Variants in RFX2 observed in about 807,000 individuals in gnomAD.
RFX2 encodes regulatory factor X2.
In RFX2, 20 loss-of-function variants were observed where a neutral mutation model predicts 87.8. The observed-to-expected ratio is 0.23, with a 90% CI of 0.16 to 0.33. The LOEUF is 0.33. RFX2 is among the 10% of genes least tolerant of loss of function. The pLI, the probability that RFX2 is intolerant of heterozygous loss-of-function variation, is 1.00. For synonymous variants in RFX2, 397 were observed against 431.3 expected (o/e 0.92, Z 0.98); for missense variants, 767 against 1,012.3 (o/e 0.76, Z 3.29).
chr19:6,013,539 C>G lies in RFX2; in HGVS notation c.780-434G>C, dbSNP rs1335276029. 6.7e-6 allele frequency among the ~76,000 whole-genome samples: 1 copy of G among 150,286 alleles called. No homozygotes were observed. The highest frequency in any genetic ancestry group is 1.5e-5 in the Non-Finnish European group (1 of 67,802). ...ACAGGGTCTCACTCTGTCACCCAGG[C>G]TGGAGTGCAGTTGTGCAATCACAGC... On this transcript the variant is annotated intron_variant, in intron 7 of 17. Transcript: ENST00000303657. The surrounding 1 kb of genome is among the most constrained non-coding windows in gnomAD (Gnocchi z 4.1).
At chr19:6,062,355 C>G (rs2087447627) in intron 1 of RFX2, among the ~76,000 whole-genome samples, 1 of 152,164 alleles carries the variant, frequency 6.6e-6, no homozygotes, top group South Asian at 2.1e-4. Context: ...CACATCACCT[C>G]TGCTCTAGAC....
chr19:6,042,506 T>G (rs574919615), intron 3 of RFX2, among the ~76,000 whole-genome samples: 2 of 151,970 alleles, frequency 1.3e-5, no homozygotes, highest in East Asian at 2.0e-4. Context: ...GTTTTTTTTT[T>G]TTGTTTGTTT....
At chr19:5,996,253 C>CACAA (rs1400324441) in intron 16 of RFX2, among the ~76,000 whole-genome samples, 2 of 152,282 alleles carry the variant, frequency 1.3e-5, no homozygotes, top group African/African-American at 4.8e-5. Context: ...CAGGAGTGCA[C>CACAA]ACAAACACCC....
Position 6,074,774 on chromosome 19 carries a change from G to A in RFX2, c.-8-27270C>T, listed in dbSNP as rs930184151. On this transcript the variant is annotated intron_variant, in intron 1 of 17. Transcript: ENST00000303657. This position sits in a 1 kb window ranked among gnomAD's most constrained non-coding sequence, Gnocchi z 5.2. Reference sequence around the variant, plus strand: ...AGAGTGAGGTGAGGAAAGTGTCGCCGCTGAGAAGGCTCTGCCAGGGATGGT... The same window carrying A: ...AGAGTGAGGTGAGGAAAGTGTCGCCACTGAGAAGGCTCTGCCAGGGATGGT... 2.0e-5 allele frequency among the ~76,000 whole-genome samples: 3 copies of A among 152,212 alleles called. No homozygotes were observed. Among genetic ancestry groups the A allele is most frequent in the South Asian group, 2.1e-4 (1 of 4,832 alleles).
chr19:6,051,876 TTTTA>T (rs1308111104), intron 1 of RFX2, among the ~76,000 whole-genome samples: 2 of 151,988 alleles, frequency 1.3e-5, no homozygotes, highest in African/African-American at 4.8e-5. Context: ...GATCTTTTAT[TTTTA>T]TTTATTTATT....
In RFX2 at chr19:6,061,291, T is replaced by A. The variant is rs2144809232; in HGVS notation, c.-8-13787A>T. Among the ~76,000 whole-genome samples, 1 of 152,348 alleles carries A rather than the reference T, an allele frequency of 6.6e-6. No individual in the cohort carries two copies. Among genetic ancestry groups the A allele is most frequent in the Middle Eastern group, 3.4e-3 (1 of 294 alleles). ...ATTGGGGTGATTCAAAAGATAACAA[T>A]GTCTTCTCATTCCCTGGCTCAAAAA... On this transcript the variant is annotated intron_variant, in intron 1 of 17. Transcript: ENST00000303657. This position sits in a 1 kb window ranked among gnomAD's most constrained non-coding sequence, Gnocchi z 5.2.
intron 1 of RFX2, among the ~76,000 whole-genome samples, chr19:6,062,340 G>C (rs567515025): frequency 4.5e-4 from 69 of 152,240 alleles, no homozygotes; most frequent in African/African-American, 1.7e-3. Flanking sequence ...TGAGGAAGCC[G>C]TGACCACATC....
At chr19:6,073,448 C>G in intron 1 of RFX2, 1 of 969,584 alleles carries the variant, frequency 1.0e-6, no homozygotes, top group Non-Finnish European at 1.6e-6. Flanking sequence ...CTCCAAGAAA[C>G]AAAACCATCG....
At chr19:6,106,084 C>G (rs2088212257) in intron 1 of RFX2, among the ~76,000 whole-genome samples, 1 of 152,198 alleles carries the variant, frequency 6.6e-6, no homozygotes, top group Non-Finnish European at 1.5e-5. Context: ...TTCACCTACC[C>G]TTATCCCTTT....
chr19:6,093,723 GA>G (rs202135175), intron 1 of RFX2, among the ~76,000 whole-genome samples: 7 of 142,292 alleles, frequency 4.9e-5, no homozygotes, highest in East Asian at 2.0e-4. Flanking sequence ...TTTTGAAGAA[GA>G]AAAAAAAAAC....
Position 6,010,914 on chromosome 19 carries a change from C to T in RFX2, c.900-663G>A, listed in dbSNP as rs143193745. Among the ~76,000 whole-genome samples, 1,041 of 152,136 alleles carry T rather than the reference C, an allele frequency of 6.8e-3. 15 individuals are homozygous for T. Among genetic ancestry groups the T allele is most frequent in the African/African-American group, 0.024 (988 of 41,508 alleles). ...GGTGGATCATCTGAGGTCGGGAGTT[C>T]GAGACCAGCCTGACCAACATGGAGT... On this transcript the variant is annotated intron_variant, in intron 8 of 17. Coordinates refer to ENST00000303657, the MANE Select transcript of RFX2 (RefSeq NM_000635.4). This position sits in a 1 kb window ranked among gnomAD's most constrained non-coding sequence, Gnocchi z 5.0.
Position 6,064,839 on chromosome 19 carries a change from C to T in RFX2, c.-8-17335G>A, listed in dbSNP as rs1424106340. 1.3e-5 allele frequency among the ~76,000 whole-genome samples: 2 copies of T among 152,176 alleles called. No homozygotes were observed. Among genetic ancestry groups the T allele is most frequent in the African/African-American group, 4.8e-5 (2 of 41,430 alleles). On this transcript the variant is annotated intron_variant, in intron 1 of 17. Transcript: ENST00000303657. The surrounding 1 kb of genome is among the most constrained non-coding windows in gnomAD (Gnocchi z 4.8). ...CCTCCCCTCCAGTCGTGATTTGATT[C>T]TGGAATTTAAGAAGCGGAGAAAGAG...
chr19:6,008,297 T>A (rs1222923112), intron 9 of RFX2, 73 bp from the exon 10 acceptor site: 2 of 850,620 alleles, frequency 2.4e-6, no homozygotes, highest in Non-Finnish European at 3.6e-6. Flanking sequence ...AAGGCCACGG[T>A]GGATGGGGGC....
chr19:6,005,500 C>T (rs1362540426), intron 12 of RFX2, among the ~76,000 whole-genome samples: 2 of 152,210 alleles, frequency 1.3e-5, no homozygotes, highest in African/African-American at 4.8e-5. Context: ...CGGGCCTGGC[C>T]CGAGGGCTCC....
In RFX2 at chr19:6,040,776, A is replaced by C. The variant is rs1295602414; in HGVS notation, c.261-535T>G. 6.7e-6 allele frequency among the ~76,000 whole-genome samples: 1 copy of C among 149,830 alleles called. No individual in the cohort carries two copies. Among genetic ancestry groups the C allele is most frequent in the Non-Finnish European group, 1.5e-5 (1 of 67,928 alleles). On this transcript the variant is annotated intron_variant, in intron 4 of 17. Transcript: ENST00000303657. This position sits in a 1 kb window ranked among gnomAD's most constrained non-coding sequence, Gnocchi z 6.1. ...CCTATCTCTTAAAAAAAATAAATAC[A>C]AATAAAACTTAAAATTGTAAGTGGA...
Position 6,010,276 on chromosome 19 carries a change from C to G in RFX2, c.900-25G>C, listed in dbSNP as rs2086643741. On this transcript the variant is annotated intron_variant, in intron 8 of 17. Transcript: ENST00000303657. The surrounding 1 kb of genome is among the most constrained non-coding windows in gnomAD (Gnocchi z 5.0). ...CCTAGGCCAGGAACACGCATACCATCATGAGGCCCAGCAGCCCTGCTGCGG... is the reference window on the plus strand; with the variant it reads ...CCTAGGCCAGGAACACGCATACCATGATGAGGCCCAGCAGCCCTGCTGCGG... 1.4e-6 allele frequency: 2 copies of G among 1,472,978 alleles called. No individual in the cohort carries two copies. The highest frequency in any genetic ancestry group is 2.8e-5 in the African/African-American group (2 of 71,554). 91.2% of individuals were successfully genotyped at this position (1,472,978 alleles called of 1,614,324 possible).
rs78613466 is a variant in RFX2 at position 6,027,517 on chromosome 19, G to A, written c.523-1280C>T. On this transcript the variant is annotated intron_variant, in intron 5 of 17. Coordinates refer to ENST00000303657, the MANE Select transcript of RFX2 (RefSeq NM_000635.4). This position sits in a 1 kb window ranked among gnomAD's most constrained non-coding sequence, Gnocchi z 5.0. ...TGATCTGCAGCTTGGGCAGCCACGT[G>A]AGTACTGCCCTGTGGCACCTTCCCT... Among the ~76,000 whole-genome samples, 5,928 of 152,292 alleles carry A rather than the reference G, an allele frequency of 0.039. 385 individuals carry two copies. The highest frequency in any genetic ancestry group is 0.14 in the African/African-American group (5,615 of 41,540).
At chr19:6,003,106 T>G (rs1373239652) in intron 13 of RFX2, among the ~76,000 whole-genome samples, 1 of 152,156 alleles carries the variant, frequency 6.6e-6, no homozygotes, top group East Asian at 1.9e-4. Context: ...TGCGTGCTGC[T>G]GAGTTAGAAT....
At chr19:6,086,113 A>G (rs972159969) in intron 1 of RFX2, among the ~76,000 whole-genome samples, 33 of 150,760 alleles carry the variant, frequency 2.2e-4, no homozygotes, top group African/African-American at 7.3e-4. Flanking sequence ...AAAAAAAAAA[A>G]AGGCAGGGGA....
Sources: allele counts gnomAD v4.1 joint callset (sites outside exome capture counted in the v4.1 genomes callset), GRCh38; gene constraint gnomAD v4.1.1; non-coding constraint Gnocchi (gnomAD v3.1); transcripts MANE v1.5; gene names NCBI Gene and HGNC (gene_info 2026-07-23, HGNC 2026-07-21).